The following CDH7 variants were observed in gnomAD, a reference collection of about 807,000 sequenced individuals.
CDH7 encodes cadherin 7, also known as cadherin-7.
A neutral mutation model predicts 71.8 loss-of-function variants in CDH7; 25 were observed. The observed-to-expected ratio is 0.35, with a 90% confidence interval of 0.25 to 0.49. The LOEUF (loss-of-function observed/expected upper bound fraction) is 0.49, where lower values mean the gene tolerates loss of function less well. CDH7 is among the 20% of genes least tolerant of loss of function. The probability of loss-of-function intolerance (pLI) is 0.99; values close to 1 mark genes in which losing one functional copy is unlikely to be tolerated. For synonymous variants in CDH7, 381 were observed against 363.8 expected (o/e 1.05, Z -0.54); for missense variants, 862 against 974.6 (o/e 0.88, Z 1.54).
intron 11 of CDH7, among the ~76,000 whole-genome samples, chr18:65,873,216 T>TA (rs1200713908): frequency 6.6e-5 from 10 of 152,168 alleles, no homozygotes; most frequent in African/African-American, 2.4e-4. Flanking sequence ...ATTTTTCAAC[T>TA]ATACCTTGTA....
chr18:65,794,291 T>C (rs1243686245), intron 2 of CDH7, among the ~76,000 whole-genome samples: 2 of 152,064 alleles, frequency 1.3e-5, no homozygotes, highest in Admixed American at 6.6e-5. Flanking sequence ...TAGGGAACTA[T>C]CGATGATTTT....
chr18:65,885,378 T>TTG lies in CDH7; in HGVS notation c.*4485_*4486insGT, dbSNP rs955040083. 3 of 104,516 alleles carry TTG rather than the reference T, an allele frequency of 2.9e-5. 1 individual carries two copies. Among genetic ancestry groups the TTG allele is most frequent in the Admixed American group, 1.1e-4 (1 of 9,506 alleles). The allele number at this position is 104,516 out of a possible 1,614,324, so 6.5% of individuals were successfully genotyped here. A position where few individuals can be genotyped will look rare whatever the true frequency, so the allele number is the denominator to read the frequency against. ...GAAAAGGATGTGTGCCTGTGTTTTTTTTTTTTTTTTTTTTTTTGACGTGGA... is the reference window on the plus strand; with the variant it reads ...GAAAAGGATGTGTGCCTGTGTTTTTTTGTTTTTTTTTTTTTTTTTGACGTGGA... On this transcript the variant is annotated 3_prime_UTR_variant, in exon 12 of 12. Coordinates refer to ENST00000397968, the MANE Select transcript of CDH7 (RefSeq NM_004361.5).
In CDH7 at chr18:65,857,984, TG is replaced by T. The variant is rs1266634991; in HGVS notation, c.1372+34del. The T allele has an allele frequency of 2.5e-6, 4 of 1,604,198 alleles. No individual in the cohort carries two copies. In the African/African-American group the frequency reaches 5.4e-5, roughly 21 times the overall value. ...TGTGAGGCTTAAAACTAAATTAAGA[TG>T]GAGGACAGTGAGTGGAGAATCGATT... On this transcript the variant is annotated intron_variant, in intron 8 of 11. Transcript: ENST00000397968.
chr18:65,872,436 T>C (rs2144057313), intron 11 of CDH7, among the ~76,000 whole-genome samples: 1 of 152,294 alleles, frequency 6.6e-6, no homozygotes, highest in South Asian at 2.1e-4. Context: ...CAGGAAAGTG[T>C]TTCCACTTAA....
intron 1 of CDH7, among the ~76,000 whole-genome samples, chr18:65,758,906 A>G (rs1429322889): frequency 1.3e-5 from 2 of 152,236 alleles, no homozygotes; most frequent in Non-Finnish European, 2.9e-5. Context: ...ACGATAGGGT[A>G]GATCTCCTTC....
At chr18:65,820,840 G>C (rs1456045239) in intron 4 of CDH7, among the ~76,000 whole-genome samples, 1 of 152,064 alleles carries the variant, frequency 6.6e-6, no homozygotes, top group Non-Finnish European at 1.5e-5. Context: ...AGGCTGCAGT[G>C]TTTCCTTTAC....
intron 2 of CDH7, among the ~76,000 whole-genome samples, chr18:65,795,397 C>A (rs527606266): frequency 6.6e-6 from 1 of 152,218 alleles, no homozygotes; most frequent in South Asian, 2.1e-4. Context: ...AGGAATGTTT[C>A]TCTATAATAA....
At chr18:65,796,918 T>C (rs1910937819) in intron 2 of CDH7, among the ~76,000 whole-genome samples, 1 of 152,180 alleles carries the variant, frequency 6.6e-6, no homozygotes, top group African/African-American at 2.4e-5. Flanking sequence ...GAAATAAATG[T>C]AGCCGTTAAG....
At chr18:65,822,361 T>C (rs1911966979) in intron 5 of CDH7, 113 bp downstream of exon 5, 1 of 782,030 alleles carries the variant, frequency 1.3e-6, no homozygotes, top group South Asian at 2.1e-5. Flanking sequence ...ATTGTCTTAC[T>C]TCATTCTCTC....
At chr18:65,875,028 T>C (rs1462756891) in intron 11 of CDH7, among the ~76,000 whole-genome samples, 1 of 152,216 alleles carries the variant, frequency 6.6e-6, no homozygotes, top group Non-Finnish European at 1.5e-5. Flanking sequence ...GAATTTGGAC[T>C]AACACAAATT....
chr18:65,809,626 A>T lies in CDH7; in HGVS notation c.211-78A>T, dbSNP rs1480705201. On this transcript the variant is annotated intron_variant, in intron 2 of 11. Transcript: ENST00000397968. ...AAAATTTCATGTACTCCTGCCTGAC[A>T]TAAGAATTATTTTTACATATCTCCA... The T allele has an allele frequency of 9.0e-6, 11 of 1,224,110 alleles. No individual in the cohort carries two copies. In the East Asian group the frequency reaches 1.4e-4, roughly 16 times the overall value. 75.8% of individuals were successfully genotyped at this position (1,224,110 alleles called of 1,614,324 possible).
chr18:65,800,265 G>C (rs970932448), intron 2 of CDH7, among the ~76,000 whole-genome samples: 2 of 151,982 alleles, frequency 1.3e-5, no homozygotes, highest in African/African-American at 4.8e-5. Context: ...ATTTTTAATA[G>C]AGACAGGGTT....
At chr18:65,866,315 C>CAAAAAAAACAAA (rs1913753284) in intron 11 of CDH7, 2 of 1,358 alleles carry the variant, frequency 1.5e-3, no homozygotes, top group Non-Finnish European at 3.4e-3. Context: ...AAAAAAAAAA[C>CAAAAAAAACAAA]AAAAAAAAAA....
At chr18:65,769,007 A>T (rs1172321491) in intron 2 of CDH7, among the ~76,000 whole-genome samples, 3 of 152,096 alleles carry the variant, frequency 2.0e-5, no homozygotes, top group African/African-American at 7.2e-5. Context: ...AGAAGCATTA[A>T]AAAATAAACT....
At chr18:65,768,304 C>G (rs991016635) in intron 2 of CDH7, among the ~76,000 whole-genome samples, 1 of 151,758 alleles carries the variant, frequency 6.6e-6, no homozygotes, top group Admixed American at 6.6e-5. Flanking sequence ...GACGCAATCT[C>G]AGCTCACTGC....
In CDH7 at chr18:65,858,987, G is replaced by A. The variant is rs749777659; in HGVS notation, c.1435G>A (p.Ala479Thr). 25 of 1,612,620 alleles carry A rather than the reference G, an allele frequency of 1.6e-5. No homozygotes were observed. The highest frequency in any genetic ancestry group is 1.6e-4 in the Middle Eastern group (1 of 6,082). The change falls in exon 9 of 12, where the codon GCC becomes ACC. Residue 479 changes from alanine (A) to threonine (T), a missense_variant. Ala to Thr is a moderately conservative substitution (Grantham distance 58). Coordinates refer to ENST00000397968, the MANE Select transcript of CDH7 (RefSeq NM_004361.5). The stretch of plus-strand genomic sequence containing the variant: ...CACTATACTTGACATCAATGATAAC[G>A]CCCCTGAATTTGCCATGGACTATGA... ...AITILDINDN[A>T]PEFAMDYETT...
chr18:65,825,015 T>G (rs1912076770), intron 6 of CDH7, among the ~76,000 whole-genome samples, 184 bp downstream of exon 6: 1 of 151,892 alleles, frequency 6.6e-6, no homozygotes, highest in African/African-American at 2.4e-5. Flanking sequence ...ACATTTGTAA[T>G]AACACCCATC....
chr18:65,823,025 C>A (rs886526067), intron 5 of CDH7, among the ~76,000 whole-genome samples: 7 of 151,806 alleles, frequency 4.6e-5, no homozygotes, highest in Admixed American at 3.3e-4. Context: ...AATGTCTGTA[C>A]AATGTCTCTA....
rs775529796 is a variant in CDH7 at position 65,800,227 on chromosome 18, G to A, written c.211-9477G>A. On this transcript the variant is annotated intron_variant, in intron 2 of 11. Coordinates refer to ENST00000397968, the MANE Select transcript of CDH7 (RefSeq NM_004361.5). ...CCCGAGTAGCTGGGACTACAGGTGCGTGCCACCTTGCCTGGCTTATTTTTT... is the reference window on the plus strand; with the variant it reads ...CCCGAGTAGCTGGGACTACAGGTGCATGCCACCTTGCCTGGCTTATTTTTT... 6.6e-5 allele frequency among the ~76,000 whole-genome samples: 10 copies of A among 151,978 alleles called. No individual in the cohort carries two copies. The East Asian group carries it at 7.8e-4, about 12-fold the overall frequency.
Sources: allele counts gnomAD v4.1 joint callset (sites outside exome capture counted in the v4.1 genomes callset), GRCh38; gene constraint gnomAD v4.1.1; transcripts MANE v1.5; gene names NCBI Gene and HGNC (gene_info 2026-07-23, HGNC 2026-07-21).